The following RYR2 variants were observed in gnomAD, a reference collection of about 807,000 sequenced individuals.
RYR2 encodes cardiac muscle ryanodine receptor-calcium release channel.
A neutral mutation model predicts 601.1 loss-of-function variants in RYR2; 227 were observed. The ratio of observed to expected loss-of-function variants is 0.38; its 90% CI spans 0.34 to 0.42. The LOEUF (loss-of-function observed/expected upper bound fraction) is 0.42, where lower values mean the gene tolerates loss of function less well. RYR2 is among the 10% of genes least tolerant of loss of function. The pLI is 1.00. For synonymous variants in RYR2, 2,223 were observed against 2,175.1 expected (o/e 1.02, Z -0.61); for missense variants, 4,646 against 6,156.5 (o/e 0.75, Z 8.21).
Position 237,784,767 on chromosome 1 carries a change from A to AACCC in RYR2, c.13056_13059dup (p.Leu4354ThrfsTer22). On this transcript the variant is annotated frameshift_variant, in exon 90 of 105. Transcript: ENST00000366574. LOFTEE classifies it high-confidence loss of function. The surrounding 1 kb of genome is among the most constrained non-coding windows in gnomAD (Gnocchi z 7.1). ...GGAGATGGGGAGGAGGGAGAGAGGA[A>AACCC]ACCCCTGGAAGCCGCCCTGCCCTCC... 1 of 1,603,940 alleles carries AACCC rather than the reference A, an allele frequency of 6.2e-7. No homozygotes were observed. The highest frequency in any genetic ancestry group is 8.5e-7 in the Non-Finnish European group (1 of 1,174,106).
intron 96 of RYR2, among the ~76,000 whole-genome samples, chr1:237,797,349 G>GT (rs1378708410): frequency 1.3e-5 from 2 of 151,804 alleles, no homozygotes; most frequent in African/African-American, 4.9e-5. Context: ...AATGAGGATG[G>GT]TGACAAGGTT....
chr1:237,436,081 C>G (rs1707322191), intron 12 of RYR2, among the ~76,000 whole-genome samples: 1 of 152,110 alleles, frequency 6.6e-6, no homozygotes, highest in Non-Finnish European at 1.5e-5. Flanking sequence ...AAAGCCTGAA[C>G]CCTTTGAAAG....
At position 237,567,978 on chromosome 1, in the gene RYR2, G is replaced by A. The variant is rs1405717109; in HGVS notation, c.3424-1167G>A. 7.5e-5 allele frequency among the ~76,000 whole-genome samples: 11 copies of A among 146,632 alleles called. No individual in the cohort carries two copies. The East Asian group carries it at 2.2e-3, about 29-fold the overall frequency. On this transcript the variant is annotated intron_variant, in intron 28 of 104. Coordinates refer to ENST00000366574, the MANE Select transcript of RYR2 (RefSeq NM_001035.3). ...TAACACTTTTTTGGGGGGTTGGGGG[G>A]CGGTCAAAATTAGCAAACTTTAAAC... is the stretch of plus-strand genomic sequence containing the variant.
At chr1:237,637,960 G>C (rs1681048237) in intron 44 of RYR2, among the ~76,000 whole-genome samples, 1 of 152,084 alleles carries the variant, frequency 6.6e-6, no homozygotes, top group African/African-American at 2.4e-5. Flanking sequence ...GGCACCGCGG[G>C]CTGAGGCTGC....
Position 237,355,988 on chromosome 1 carries a change from A to ATG in RYR2, c.294+7_294+8dup. 6.2e-7 allele frequency: 1 copy of ATG among 1,606,184 alleles called. No homozygotes were observed. The highest frequency in any genetic ancestry group is 1.3e-5 in the African/African-American group (1 of 74,936). ...AGCAAGTTGATGTGGAAAAATGGGTATGTGTTTCCATGTATTTGCAAAGAA... is the reference window on the plus strand; with the variant it reads ...AGCAAGTTGATGTGGAAAAATGGGTATGTGTGTTTCCATGTATTTGCAAAGAA... On this transcript the variant is annotated splice_donor_region_variant and intron_variant, in intron 4 of 104. Coordinates refer to ENST00000366574, the MANE Select transcript of RYR2 (RefSeq NM_001035.3).
chr1:237,348,637 G>A (rs1172495525), intron 3 of RYR2, among the ~76,000 whole-genome samples: 2 of 152,132 alleles, frequency 1.3e-5, no homozygotes, highest in Non-Finnish European at 2.9e-5. Context: ...TTTTCTGGAG[G>A]AAGAAACAGA....
At chr1:237,659,806 A>G (rs1249802026) in intron 54 of RYR2, among the ~76,000 whole-genome samples, 179 bp from the exon 55 acceptor site, 1 of 152,236 alleles carries the variant, frequency 6.6e-6, no homozygotes, top group Admixed American at 6.5e-5. Flanking sequence ...AATTTAAAAT[A>G]AAAGAAAATA....
At chr1:237,659,896 T>G in intron 54 of RYR2, 89 bp from the exon 55 acceptor site, 1 of 752,276 alleles carries the variant, frequency 1.3e-6, no homozygotes, top group Admixed American at 3.4e-5. Context: ...TAGGTTTATT[T>G]TATCAAACAC....
At chr1:237,505,731 A>T (rs760848673) in intron 22 of RYR2, among the ~76,000 whole-genome samples, 1 of 152,140 alleles carries the variant, frequency 6.6e-6, no homozygotes, top group Non-Finnish European at 1.5e-5. Context: ...TGGGAATGCC[A>T]CCTCGTCGTT....
intron 67 of RYR2, among the ~76,000 whole-genome samples, chr1:237,706,413 AG>A (rs904179332): frequency 4.6e-5 from 7 of 152,220 alleles, no homozygotes; most frequent in Non-Finnish European, 1.0e-4. Context: ...ACGGTTGGAA[AG>A]ATGAGTTGTA....
At chr1:237,206,051 TGCTCCAGGA>T (rs1681777211) in intron 1 of RYR2, among the ~76,000 whole-genome samples, 2 of 152,140 alleles carry the variant, frequency 1.3e-5, no homozygotes, top group South Asian at 4.1e-4. Context: ...ACCAAGCGGG[TGCTCCAGGA>T]GCTCCGGGAA....
intron 38 of RYR2, among the ~76,000 whole-genome samples, chr1:237,617,964 G>A (rs1374573631): frequency 1.3e-5 from 2 of 152,136 alleles, no homozygotes; most frequent in African/African-American, 4.8e-5. Flanking sequence ...GGGTACAACA[G>A]AACAAAGGGA....
rs552521905 is a variant in RYR2 at position 237,308,422 on chromosome 1, G to C, written c.169-22456G>C. On this transcript the variant is annotated intron_variant, in intron 2 of 104. Transcript: ENST00000366574. ...AATAAACTTGCTTTTGCTTTGCACT[G>C]CGCACTCACCTTGAATTATTTCTTG... Among the ~76,000 whole-genome samples, 100 of 152,232 alleles carry C rather than the reference G, an allele frequency of 6.6e-4. No homozygotes were observed. In the Middle Eastern group the frequency reaches 0.01, roughly 16 times the overall value.
intron 1 of RYR2, among the ~76,000 whole-genome samples, chr1:237,115,142 G>A (rs979559770): frequency 2.6e-5 from 4 of 152,180 alleles, no homozygotes; most frequent in African/African-American, 7.2e-5. Flanking sequence ...GCTGCTGGGA[G>A]GGGCAGTGTC....
intron 74 of RYR2, among the ~76,000 whole-genome samples, chr1:237,724,012 C>CA (rs1689978748): frequency 6.6e-6 from 1 of 151,698 alleles, no homozygotes; most frequent in Admixed American, 6.6e-5. Context: ...GTCCATTCAG[C>CA]AAAATAATCA....
intron 25 of RYR2, among the ~76,000 whole-genome samples, chr1:237,536,562 A>G (rs973923578): frequency 2.0e-5 from 3 of 151,906 alleles, no homozygotes; most frequent in African/African-American, 7.3e-5. Context: ...AAAATACAAA[A>G]AAATTAGCCG....
rs1347807524 is a variant in RYR2 at position 237,595,625 on chromosome 1, G to A, written c.4564G>A (p.Ala1522Thr). ...TGCCAGCGGGCTGCTCACATTCATT[G>A]CCAATGGCAAGGAACTGAGCACATA... ...DAASGLLTFI[A>T]NGKELSTYYQ... The change falls in exon 34 of 105, where the codon GCC becomes ACC. Residue 1522 changes from alanine (A) to threonine (T), a missense_variant. By Grantham distance (58) the Ala-to-Thr change is moderately conservative (BLOSUM62 0). This residue lies in a region of RYR2 where 1,807 missense variants were observed against 2,088.1 expected (regional missense o/e 0.87). Transcript: ENST00000366574. 1 of 1,613,312 alleles carries A rather than the reference G, an allele frequency of 6.2e-7. No homozygotes were observed. The highest frequency in any genetic ancestry group is 8.5e-7 in the Non-Finnish European group (1 of 1,179,612).
chr1:237,609,384 T>G lies in RYR2; in HGVS notation c.4684-1378T>G, dbSNP rs536634059. 2.1e-5 allele frequency among the ~76,000 whole-genome samples: 3 copies of G among 139,796 alleles called. No individual in the cohort carries two copies. The East Asian group carries it at 7.4e-4, about 35-fold the overall frequency. 91.7% of individuals were successfully genotyped at this position (139,796 alleles called of 152,430 possible). ...TCCCCTTCCCCCCTTCCCTTTTCTT[T>G]CTTTCTGACAGAGTCTCACTTGTCA... On this transcript the variant is annotated intron_variant, in intron 35 of 104. Coordinates refer to ENST00000366574, the MANE Select transcript of RYR2 (RefSeq NM_001035.3).
At chr1:237,760,545 T>A (rs1693338613) in intron 83 of RYR2, among the ~76,000 whole-genome samples, 1 of 152,296 alleles carries the variant, frequency 6.6e-6, no homozygotes, top group South Asian at 2.1e-4. Context: ...ACTAACTCAT[T>A]TGCGGTAATC....
Sources: allele counts gnomAD v4.1 joint callset (sites outside exome capture counted in the v4.1 genomes callset), GRCh38; gene constraint gnomAD v4.1.1; regional missense constraint gnomAD v4.1.1; non-coding constraint Gnocchi (gnomAD v3.1); transcripts MANE v1.5; gene names NCBI Gene and HGNC (gene_info 2026-07-23, HGNC 2026-07-21).